Variants in MYO1H observed in about 807,000 individuals in gnomAD.
The protein encoded by MYO1H is unconventional myosin-Ih.
MYO1H carries 118 observed loss-of-function variants against 149.3 expected under a neutral mutation model. The ratio of observed to expected loss-of-function variants is 0.79; its 90% confidence interval spans 0.68 to 0.92. MYO1H has a LOEUF of 0.92. Ranked by LOEUF, MYO1H falls within the 40% of genes least tolerant of loss-of-function variation. The pLI, the probability that MYO1H is intolerant of heterozygous loss-of-function variation, is 0.00. For synonymous variants in MYO1H, 447 were observed against 465.2 expected (o/e 0.96, Z 0.50); for missense variants, 1,212 against 1,280.7 (o/e 0.95, Z 0.82).
At chr12:109,418,185 C>G (rs539144452) in intron 15 of MYO1H, among the ~76,000 whole-genome samples, 41 of 151,588 alleles carry the variant, frequency 2.7e-4, no homozygotes, top group Non-Finnish European at 4.7e-4. Flanking sequence ...AGATCCTGAT[C>G]AGATATACAA....
intron 1 of MYO1H, among the ~76,000 whole-genome samples, chr12:109,349,134 G>A (rs1868401680): frequency 6.6e-6 from 1 of 152,236 alleles, no homozygotes; most frequent in Non-Finnish European, 1.5e-5. Context: ...ACAGAGAGGA[G>A]TATTTGCTGT....
the MYO1H span, among the ~76,000 whole-genome samples, chr12:109,326,049 C>A: frequency 6.6e-6 from 1 of 152,020 alleles, no homozygotes; most frequent in African/African-American, 2.4e-5. Flanking sequence ...TGGGTAAAGG[C>A]CCTGTCTAGA....
chr12:109,443,050 A>G (rs867888307), intron 27 of MYO1H, among the ~76,000 whole-genome samples: 149 of 69,488 alleles, frequency 2.1e-3, no homozygotes, highest in East Asian at 3.0e-3. Context: ...GTGTGTGTAT[A>G]TATGTGTACG....
At chr12:109,347,211 C>CA (rs2048105712), upstream of MYO1H, among the ~76,000 whole-genome samples, 1 of 152,266 alleles carries the variant, frequency 6.6e-6, no homozygotes, top group Admixed American at 6.5e-5. Flanking sequence ...CCAAGGCATA[C>CA]AATGTGGTGG....
chr12:109,396,459 G>C lies in MYO1H; in HGVS notation c.366G>C (p.Glu122Asp), dbSNP rs142805645. 1.1e-4 allele frequency: 171 copies of C among 1,614,030 alleles called. No homozygotes were observed. In the Middle Eastern group the frequency reaches 2.1e-3, roughly 20 times the overall value. ...ACCATTTCATCCTCATTTCTGGAGA[G>C]AGTGGGGCAGGGAAAACAGAGGCCT... Residue 122 changes from glutamate (E) to aspartate (D), a missense_variant, in exon 4 of 32, where the codon GAG becomes GAC. Transcript: ENST00000310903.
intron 1 of MYO1H, among the ~76,000 whole-genome samples, chr12:109,367,955 A>G (rs758406203): frequency 2.8e-4 from 43 of 152,092 alleles, no homozygotes; most frequent in Non-Finnish European, 5.3e-4. Flanking sequence ...CTGGGCTCAT[A>G]TGATGCTCCC....
intron 1 of MYO1H, among the ~76,000 whole-genome samples, chr12:109,367,834 G>A (rs1446897302): frequency 1.3e-5 from 2 of 152,100 alleles, no homozygotes; most frequent in South Asian, 4.2e-4. Flanking sequence ...TTACAGGCGT[G>A]AGCTACCATG....
At chr12:109,338,765 C>CAA in the MYO1H span, among the ~76,000 whole-genome samples, 411 of 87,166 alleles carry the variant, frequency 4.7e-3, 6 homozygotes, top group African/African-American at 0.014. Flanking sequence ...GACTCCATCT[C>CAA]AAAAAAAAAA....
the MYO1H span, among the ~76,000 whole-genome samples, chr12:109,341,872 G>C: frequency 6.6e-6 from 1 of 152,170 alleles, no homozygotes; most frequent in Admixed American, 6.5e-5. Flanking sequence ...CTGGCTTCCT[G>C]GACTGGTTAC....
rs1872281742 is a variant in MYO1H at position 109,443,174 on chromosome 12, ATGTGTGTATATGTGTACG to A, written c.2689-338_2689-321del. Among the ~76,000 whole-genome samples the A allele has an allele frequency of 1.7e-5, 2 of 115,588 alleles. 1 individual carries two copies. The highest frequency in any genetic ancestry group is 1.7e-4 in the Admixed American group (2 of 12,104). The allele number at this position is 115,588 out of a possible 152,430, so 75.8% of individuals were successfully genotyped here. Reference sequence around the variant, plus strand: ...CGTATGTGTGTGTATATGTGTACGTATGTGTGTATATGTGTACGTATATGTGTGTATATGTGTACGTAT... The same window carrying A: ...CGTATGTGTGTGTATATGTGTACGTATATATGTGTGTATATGTGTACGTAT... On this transcript the variant is annotated intron_variant, in intron 27 of 31. Transcript: ENST00000310903.
chr12:109,367,561 A>C (rs970521571), intron 1 of MYO1H, among the ~76,000 whole-genome samples: 8 of 151,866 alleles, frequency 5.3e-5, no homozygotes, highest in Non-Finnish European at 4.4e-5. Flanking sequence ...TTATTTATTT[A>C]CTTATTTCGA....
chr12:109,318,978 T>TTG, the MYO1H span, among the ~76,000 whole-genome samples: 1 of 111,640 alleles, frequency 9.0e-6, no homozygotes, highest in African/African-American at 3.6e-5. Flanking sequence ...TTTTGTTTTT[T>TTG]TTTTTTTTTT....
chr12:109,421,329 G>A (rs544029008), intron 16 of MYO1H, among the ~76,000 whole-genome samples: 4 of 152,260 alleles, frequency 2.6e-5, no homozygotes, highest in African/African-American at 9.6e-5. Flanking sequence ...AGTTGGGGAA[G>A]CAGATAATAA....
the MYO1H span, among the ~76,000 whole-genome samples, chr12:109,338,357 A>G: frequency 6.6e-6 from 1 of 152,210 alleles, no homozygotes; most frequent in East Asian, 1.9e-4. Flanking sequence ...TGTAGCTTGA[A>G]TGGATGGCAA....
At chr12:109,335,990 C>CT in the MYO1H span, among the ~76,000 whole-genome samples, 37 of 151,908 alleles carry the variant, frequency 2.4e-4, no homozygotes, top group East Asian at 6.4e-3. Context: ...TCTCCTTTTT[C>CT]TTTTTTTTGT....
At chr12:109,382,757 G>A (rs1466403973) in intron 1 of MYO1H, among the ~76,000 whole-genome samples, 1 of 151,604 alleles carries the variant, frequency 6.6e-6, no homozygotes, top group South Asian at 2.1e-4. Context: ...GAAGGCATAC[G>A]TTCATTGTTG....
At chr12:109,317,611 C>A in the MYO1H span, among the ~76,000 whole-genome samples, 1 of 152,192 alleles carries the variant, frequency 6.6e-6, no homozygotes, top group Non-Finnish European at 1.5e-5. Flanking sequence ...TGATGTAGGG[C>A]TCACAGCAAC....
At chr12:109,427,903 A>T (rs1321801643) in intron 19 of MYO1H, among the ~76,000 whole-genome samples, 930 of 37,114 alleles carry the variant, frequency 0.025, 61 homozygotes, top group African/African-American at 0.076. Context: ...AAAAAAAAAA[A>T]AAAAAAATAT....
chr12:109,417,074 G>C (rs1023703590), intron 15 of MYO1H, among the ~76,000 whole-genome samples: 3 of 152,030 alleles, frequency 2.0e-5, no homozygotes, highest in Admixed American at 6.6e-5. Context: ...GGGAGGCCGA[G>C]GCAGGAGAAT....
Sources: allele counts gnomAD v4.1 joint callset (sites outside exome capture counted in the v4.1 genomes callset), GRCh38; gene constraint gnomAD v4.1.1; transcripts MANE v1.5; gene names NCBI Gene and HGNC (gene_info 2026-07-23, HGNC 2026-07-21).